SCN4A: variants seen among roughly 807,000 people sequenced by gnomAD.
SCN4A encodes the protein sodium channel protein type 4 subunit alpha.
SCN4A carries 83 observed loss-of-function variants against 162.0 expected under a neutral mutation model. That is an observed-to-expected ratio of 0.51 (90% CI 0.43 to 0.61). SCN4A has a LOEUF of 0.61. Ranked by LOEUF, SCN4A falls within the 20% of genes least tolerant of loss-of-function variation. The pLI, the probability that SCN4A is intolerant of heterozygous loss-of-function variation, is 0.00. For missense variants in SCN4A, 2,196 were observed against 2,462.5 expected (o/e 0.89, Z 2.29); for synonymous variants, 944 against 985.1 (o/e 0.96, Z 0.78).
chr17:63,941,148 T>C lies in SCN4A; in HGVS notation c.5134A>G (p.Lys1712Glu). The change falls in exon 24 of 24, where the codon AAG becomes GAG. Residue 1712 changes from lysine to glutamate, a missense_variant. Lys to Glu is a moderately conservative substitution (Grantham distance 56, BLOSUM62 1). Coordinates refer to ENST00000435607, the MANE Select transcript of SCN4A (RefSeq NM_000334.4). This position sits in a 1 kb window ranked among gnomAD's most constrained non-coding sequence, Gnocchi z 6.2. ...GTGGTGATGGGCTCGTAGGACACCT[T>C]GGAGGGGTTGGCTGCCATGAACTTC... ...EEKFMAANPS[K>E]VSYEPITTTL... 1 of 1,613,858 alleles carries C rather than the reference T, an allele frequency of 6.2e-7. No individual in the cohort carries two copies. Among genetic ancestry groups the C allele is most frequent in the Non-Finnish European group, 8.5e-7 (1 of 1,179,846 alleles).
chr17:63,967,648 C>T (rs866345438), intron 6 of SCN4A, among the ~76,000 whole-genome samples: 1 of 151,588 alleles, frequency 6.6e-6, no homozygotes, highest in Non-Finnish European at 1.5e-5. Context: ...GAAGTGGAGA[C>T]AGGGCGGGGA....
In SCN4A at chr17:63,968,122, A is replaced by C. The variant is rs1473135872; in HGVS notation, c.937T>G (p.Tyr313Asp). The C allele has an allele frequency of 2.5e-6, 4 of 1,613,842 alleles. No homozygotes were observed. Among genetic ancestry groups the C allele is most frequent in the Non-Finnish European group, 2.5e-6 (3 of 1,179,844 alleles). The change falls in exon 6 of 24, where the codon TAC becomes GAC. Residue 313 changes from tyrosine (Y) to aspartate (D), a missense_variant. Physicochemically the swap from Tyr to Asp is radical, Grantham distance 160. Transcript: ENST00000435607. ...TTGGCATACCATGAGTCATTGCCGTACCACATCTCATTGCCATACCATGTG... is the reference window on the plus strand; with the variant it reads ...TTGGCATACCATGAGTCATTGCCGTCCCACATCTCATTGCCATACCATGTG... ...NDTWYGNEMW[Y>D]GNDSWYANDT...
rs761947899 is a variant in SCN4A, at chr17:63,941,499, C to T, written c.4783G>A (p.Ala1595Thr). ...SFLIVVNMYI[A>T]IILENFNVAT... ...ACATTGAAGTTCTCCAGGATGATGG[C>T]GATGTACATGTTGACCACGATGAGG... The change falls in exon 24 of 24, where the codon GCC (alanine) becomes ACC (threonine). Residue 1595 changes from alanine (A) to threonine (T), a missense_variant. By Grantham distance (58) the Ala-to-Thr change is moderately conservative. Coordinates refer to ENST00000435607, the MANE Select transcript of SCN4A (RefSeq NM_000334.4). This position sits in a 1 kb window ranked among gnomAD's most constrained non-coding sequence, Gnocchi z 6.2. The T allele has an allele frequency of 1.9e-5, 31 of 1,613,912 alleles. No individual in the cohort carries two copies. The highest frequency in any genetic ancestry group is 2.7e-5 in the African/African-American group (2 of 74,860).
chr17:63,966,618 C>G, intron 6 of SCN4A, 74 bp from the exon 7 acceptor site: 2 of 1,096,266 alleles, frequency 1.8e-6, no homozygotes, highest in Non-Finnish European at 2.8e-6. Context: ...GCCCATTGCA[C>G]ACCTGTGGAC....
chr17:63,966,348 C>G (rs1909445276), intron 7 of SCN4A, 105 bp from the exon 8 acceptor site: 1 of 1,435,596 alleles, frequency 7.0e-7, no homozygotes, highest in Non-Finnish European at 9.7e-7. Context: ...CTGTGTCCCC[C>G]AAACAGAAAA....
In SCN4A at chr17:63,971,869, G is replaced by A. The variant is rs1909621422; in HGVS notation, c.483-19C>T. On this transcript the variant is annotated intron_variant, in intron 3 of 23. Coordinates refer to ENST00000435607, the MANE Select transcript of SCN4A (RefSeq NM_000334.4). ...GGTGTACCTGGGGGGGAGAGGGCCG[G>A]CCGGGACAGGCATGTCACCTGGGTA... 6 of 1,612,988 alleles carry A rather than the reference G, an allele frequency of 3.7e-6. No homozygotes were observed. The highest frequency in any genetic ancestry group is 4.2e-6 in the Non-Finnish European group (5 of 1,179,396).
chr17:63,968,702 A>T (rs540966257), intron 5 of SCN4A, among the ~76,000 whole-genome samples: 1 of 152,318 alleles, frequency 6.6e-6, no homozygotes, highest in African/African-American at 2.4e-5. Context: ...CTAATCTCCC[A>T]TGCTGTGCCC....
chr17:63,943,614 C>T (rs989739651), intron 22 of SCN4A, 132 bp downstream of exon 22: 3 of 622,860 alleles, frequency 4.8e-6, no homozygotes, highest in Non-Finnish European at 5.8e-6. Context: ...AAGTCCCCTG[C>T]CCCTGGGGTG....
At chr17:63,954,257 G>C (rs1044512477) in intron 13 of SCN4A, among the ~76,000 whole-genome samples, 13 of 152,188 alleles carry the variant, frequency 8.5e-5, no homozygotes, top group African/African-American at 2.9e-4. Flanking sequence ...ATCTGAAAAC[G>C]CTCTTTGAGA....
Position 63,972,605 on chromosome 17 carries a change from G to A in SCN4A, c.237C>T (p.Pro79=), listed in dbSNP as rs374261960. 21 of 1,602,042 alleles carry A rather than the reference G, an allele frequency of 1.3e-5. No individual in the cohort carries two copies. The highest frequency in any genetic ancestry group is 8.0e-5 in the African/African-American group (6 of 74,658). The change falls in exon 1 of 24, where the codon CCC becomes CCT. Residue 79 remains proline (P), a synonymous_variant. Transcript: ENST00000435607. This position sits in a 1 kb window ranked among gnomAD's most constrained non-coding sequence, Gnocchi z 4.3. Reference sequence around the variant, plus strand: ...TGTAGTAGGGATCCAGGTCCTCCAGGGGGATGCCGATGACCTCCGGCGGGG... The same window carrying A: ...TGTAGTAGGGATCCAGGTCCTCCAGAGGGATGCCGATGACCTCCGGCGGGG... ...GDPPPEVIGI[P]LEDLDPYYSN...
chr17:63,959,534 G>T (rs1909179759), intron 11 of SCN4A, 96 bp from the exon 12 acceptor site: 1 of 1,176,694 alleles, frequency 8.5e-7, no homozygotes, highest in Non-Finnish European at 1.2e-6. Flanking sequence ...GAGGCTGCGG[G>T]GGCGGAGGGG....
Position 63,941,334 on chromosome 17 carries a change from G to A in SCN4A, c.4948C>T (p.Pro1650Ser). The change falls in exon 24 of 24, where the codon CCG (proline) becomes TCG (serine). Residue 1650 changes from proline to serine, a missense_variant. By Grantham distance (74) the Pro-to-Ser change is moderately conservative. Coordinates refer to ENST00000435607, the MANE Select transcript of SCN4A (RefSeq NM_000334.4). This position sits in a 1 kb window ranked among gnomAD's most constrained non-coding sequence, Gnocchi z 6.2. ...LSDFVDTLQEPLRIAKPNKIK... is the reference protein window; with the variant it reads ...LSDFVDTLQESLRIAKPNKIK... ...TTGTTGGGCTTGGCAATCCTCAGCG[G>A]TTCCTGCAGGGTGTCCACGAAGTCT... 1.2e-6 allele frequency: 2 copies of A among 1,613,924 alleles called. No homozygotes were observed. Among genetic ancestry groups the A allele is most frequent in the Non-Finnish European group, 1.7e-6 (2 of 1,179,886 alleles).
At position 63,945,337 on chromosome 17, in the gene SCN4A, C is replaced by T. The variant is rs1237239041; in HGVS notation, c.3720+23G>A. 1.9e-6 allele frequency: 3 copies of T among 1,594,398 alleles called. No homozygotes were observed. The highest frequency in any genetic ancestry group is 2.2e-5 in the South Asian group (2 of 89,720). On this transcript the variant is annotated intron_variant, in intron 19 of 23. Transcript: ENST00000435607. This position sits in a 1 kb window ranked among gnomAD's most constrained non-coding sequence, Gnocchi z 4.4. The stretch of plus-strand genomic sequence containing the variant: ...GGGGCACCTCCATCCAGGTTCCCGG[C>T]AGGGGTGGTGGGTCACACTCACCAC...
At chr17:63,942,409 C>T (rs1908571728) in intron 23 of SCN4A, among the ~76,000 whole-genome samples, 1 of 152,174 alleles carries the variant, frequency 6.6e-6, no homozygotes, top group Non-Finnish European at 1.5e-5. Flanking sequence ...ATGGGAACAA[C>T]AGTTCCTGAT....
chr17:63,951,254 C>T lies in SCN4A; in HGVS notation c.2853+170G>A, dbSNP rs1459034052. 9.2e-5 allele frequency among the ~76,000 whole-genome samples: 14 copies of T among 152,182 alleles called. No homozygotes were observed. The highest frequency in any genetic ancestry group is 8.3e-4 in the South Asian group (4 of 4,830). On this transcript the variant is annotated intron_variant, in intron 14 of 23. Transcript: ENST00000435607. The surrounding 1 kb of genome is among the most constrained non-coding windows in gnomAD (Gnocchi z 4.5). ...AGTGACTGCCACCACTCACAGGGCG[C>T]GGACTGCATGCTTTACATACAGCGT...
Position 63,957,374 on chromosome 17 carries a change from A to G in SCN4A, c.2164T>C (p.Phe722Leu). 1 of 1,614,102 alleles carries G rather than the reference A, an allele frequency of 6.2e-7. No individual in the cohort carries two copies. Residue 722 changes from phenylalanine to leucine, a missense_variant, in exon 13 of 24, where the codon TTT becomes CTT. Physicochemically the swap from Phe to Leu is conservative, Grantham distance 22. Coordinates refer to ENST00000435607, the MANE Select transcript of SCN4A (RefSeq NM_000334.4). ...ACGCACTCCTTGTAGCTCTTGCCAAACAGCTGCATGCCCACCACGGCGAAG... is the reference window on the plus strand; with the variant it reads ...ACGCACTCCTTGTAGCTCTTGCCAAGCAGCTGCATGCCCACCACGGCGAAG... ...FIFAVVGMQL[F>L]GKSYKECVCK...
intron 17 of SCN4A, 121 bp from the exon 18 acceptor site, chr17:63,947,288 G>A (rs1383647599): frequency 7.7e-7 from 1 of 1,304,944 alleles, no homozygotes; most frequent in Non-Finnish European, 1.1e-6. Flanking sequence ...CCCCTCCCTA[G>A]TGGGTGGTCC....
chr17:63,963,382 CA>C (rs1313372175), intron 10 of SCN4A, among the ~76,000 whole-genome samples: 1 of 152,228 alleles, frequency 6.6e-6, no homozygotes, highest in Non-Finnish European at 1.5e-5. Context: ...CCCCAGTTCC[CA>C]TAGCAGCCTG....
At chr17:63,942,737 G>C in intron 23 of SCN4A, 89 bp downstream of exon 23, 1 of 1,333,178 alleles carries the variant, frequency 7.5e-7, no homozygotes, top group South Asian at 1.4e-5. Context: ...GCGTGTGAGG[G>C]TGCAGGGGCA....
Sources: allele counts gnomAD v4.1 joint callset (sites outside exome capture counted in the v4.1 genomes callset), GRCh38; gene constraint gnomAD v4.1.1; non-coding constraint Gnocchi (gnomAD v3.1); transcripts MANE v1.5; gene names NCBI Gene and HGNC (gene_info 2026-07-23, HGNC 2026-07-21).